Variants in CHRM3 observed in about 807,000 individuals in gnomAD.
The protein encoded by CHRM3 is cholinergic receptor muscarinic 3.
Under a neutral mutation model 41.8 loss-of-function variants are expected in CHRM3, and 11 were observed. The ratio of observed to expected loss-of-function variants is 0.26; its 90% confidence interval spans 0.17 to 0.44. The LOEUF (loss-of-function observed/expected upper bound fraction) is 0.44. Among genes scored for constraint, CHRM3 ranks in the 20% least tolerant of loss-of-function variants. The pLI is 1.00. For synonymous variants in CHRM3, 297 were observed against 301.4 expected, an observed-to-expected ratio of 0.99 and a Z score of 0.15; for missense variants, 571 against 745.4, an observed-to-expected ratio of 0.77 and a Z score of 2.72.
chr1:239,453,509 A>C (rs1480222619), intron 1 of CHRM3, among the ~76,000 whole-genome samples: 1 of 152,212 alleles, frequency 6.6e-6, no homozygotes, highest in Non-Finnish European at 1.5e-5. Context: ...ACCTTTGTAC[A>C]GTTGTGCAAA....
chr1:239,702,966 A>G (rs953847780), intron 5 of CHRM3, among the ~76,000 whole-genome samples: 2 of 152,204 alleles, frequency 1.3e-5, no homozygotes, highest in Non-Finnish European at 2.9e-5. Flanking sequence ...GTGCTTCACA[A>G]ATCCCACAGA....
At chr1:239,901,897 T>A (rs1253639597) in intron 6 of CHRM3, among the ~76,000 whole-genome samples, 2 of 152,190 alleles carry the variant, frequency 1.3e-5, no homozygotes, top group African/African-American at 4.8e-5. Context: ...TAGTTCATGG[T>A]GTACATGCCT....
chr1:239,908,909 G>A lies in CHRM3; in HGVS notation c.1458G>A (p.Glu486=). 1.2e-6 allele frequency: 2 copies of A among 1,614,098 alleles called. No individual in the cohort carries two copies. The highest frequency in any genetic ancestry group is 1.7e-6 in the Non-Finnish European group (2 of 1,180,036). Residue 486 remains glutamate, a synonymous_variant, in exon 7 of 7, where the codon GAG becomes GAA. Coordinates refer to ENST00000676153, the MANE Select transcript of CHRM3 (RefSeq NM_001375978.1). This position sits in a 1 kb window ranked among gnomAD's most constrained non-coding sequence, Gnocchi z 7.2. ...TKRKRMSLVK[E]KKAAQTLSAI... ...GGAAAAGGATGTCCCTGGTCAAGGAGAAGAAAGCGGCCCAGACCCTCAGTG... is the reference window on the plus strand; with the variant it reads ...GGAAAAGGATGTCCCTGGTCAAGGAAAAGAAAGCGGCCCAGACCCTCAGTG...
At chr1:239,620,981 G>A (rs1022707512) in intron 3 of CHRM3, among the ~76,000 whole-genome samples, 10 of 152,304 alleles carry the variant, frequency 6.6e-5, no homozygotes, top group African/African-American at 2.4e-4. Context: ...GATTTTTACA[G>A]ATTGAAGATT....
chr1:239,600,271 G>A (rs1665350942), intron 3 of CHRM3, among the ~76,000 whole-genome samples: 1 of 151,902 alleles, frequency 6.6e-6, no homozygotes. Context: ...AGTCTTGGGG[G>A]GCCATCCCAA....
At chr1:239,792,479 A>C (rs1572309289) in intron 5 of CHRM3, among the ~76,000 whole-genome samples, 1 of 152,218 alleles carries the variant, frequency 6.6e-6, no homozygotes, top group Non-Finnish European at 1.5e-5. Context: ...ACTTGCTCTC[A>C]CATAGATCCA....
intron 1 of CHRM3, among the ~76,000 whole-genome samples, chr1:239,392,781 C>G (rs1659154076): frequency 6.6e-6 from 1 of 152,178 alleles, no homozygotes. Context: ...GAAAAAGGAG[C>G]TGCTAACAGC....
intron 4 of CHRM3, among the ~76,000 whole-genome samples, chr1:239,657,567 C>T (rs1288594647): frequency 6.6e-6 from 1 of 152,204 alleles, no homozygotes; most frequent in Non-Finnish European, 1.5e-5. Context: ...ATGAACTCTT[C>T]CACAAGGTTG....
At chr1:239,496,939 T>C (rs752872325) in intron 2 of CHRM3, among the ~76,000 whole-genome samples, 2 of 152,104 alleles carry the variant, frequency 1.3e-5, no homozygotes, top group African/African-American at 2.4e-5. Flanking sequence ...ATGCTTATAG[T>C]AAGAAGTATT....
chr1:239,554,482 A>G (rs1400410467), intron 3 of CHRM3, among the ~76,000 whole-genome samples: 2 of 151,874 alleles, frequency 1.3e-5, no homozygotes, highest in South Asian at 2.1e-4. Context: ...ATGTGTGTGC[A>G]CGCACGCAGG....
chr1:239,638,096 C>T (rs889656494), intron 4 of CHRM3, among the ~76,000 whole-genome samples: 76 of 151,484 alleles, frequency 5.0e-4, no homozygotes, highest in Non-Finnish European at 8.4e-4. Context: ...ATGAACTCAC[C>T]ATTTTTTATG....
At chr1:239,895,601 T>A (rs549333763) in intron 6 of CHRM3, among the ~76,000 whole-genome samples, 115 of 152,310 alleles carry the variant, frequency 7.6e-4, no homozygotes, top group Admixed American at 1.2e-3. Context: ...GGATTTTTTT[T>A]AAATGTAGTA....
chr1:239,612,074 A>G (rs1667138527), intron 3 of CHRM3, among the ~76,000 whole-genome samples: 2 of 152,156 alleles, frequency 1.3e-5, no homozygotes, highest in Admixed American at 1.3e-4. Context: ...CTCCCCATGA[A>G]TCTGGCAATC....
intron 5 of CHRM3, among the ~76,000 whole-genome samples, chr1:239,767,585 T>G (rs1325866488): frequency 6.6e-6 from 1 of 152,208 alleles, no homozygotes; most frequent in Non-Finnish European, 1.5e-5. Context: ...GCTGGTCAAT[T>G]AAAATCAATG....
chr1:239,496,568 G>C (rs1667903192), intron 2 of CHRM3, among the ~76,000 whole-genome samples: 1 of 150,544 alleles, frequency 6.6e-6, no homozygotes, highest in Non-Finnish European at 1.5e-5. Flanking sequence ...TTATACGGTT[G>C]TATCTCCAAT....
chr1:239,545,609 AC>A (rs1659214679), intron 2 of CHRM3, 31 bp from the exon 3 acceptor site: 1 of 152,020 alleles, frequency 6.6e-6, no homozygotes, highest in African/African-American at 2.4e-5. Flanking sequence ...ATCCTTACTG[AC>A]CGATTTTTTC....
At chr1:239,564,060 T>G (rs998869274) in intron 3 of CHRM3, among the ~76,000 whole-genome samples, 1 of 152,212 alleles carries the variant, frequency 6.6e-6, no homozygotes, top group African/African-American at 2.4e-5. Flanking sequence ...AGACAATGTG[T>G]GTATTTCTAA....
chr1:239,880,867 G>T (rs532556734), intron 6 of CHRM3, among the ~76,000 whole-genome samples: 2 of 152,264 alleles, frequency 1.3e-5, no homozygotes, highest in South Asian at 4.1e-4. Context: ...CGTTTGGCAG[G>T]CCTAATCAGG....
chr1:239,493,172 T>C (rs1667663085), intron 2 of CHRM3, among the ~76,000 whole-genome samples: 1 of 152,232 alleles, frequency 6.6e-6, no homozygotes, highest in Non-Finnish European at 1.5e-5. Flanking sequence ...GAATTGTTTC[T>C]TTTAATATGA....
Sources: gnomAD v4.1 joint callset for allele counts (sites outside exome capture counted in the v4.1 genomes callset) on GRCh38, gnomAD v4.1.1 for gene constraint, Gnocchi (gnomAD v3.1) non-coding constraint, MANE v1.5 for transcripts, NCBI Gene and HGNC (gene_info 2026-07-23, HGNC 2026-07-21) for gene names.